Variants in HSF2BP observed in about 807,000 individuals in gnomAD.
HSF2BP encodes the protein heat shock transcription factor 2 binding protein.
A neutral mutation model predicts 35.0 loss-of-function variants in HSF2BP; 35 were observed. The ratio of observed to expected loss-of-function variants is 1.00; its 90% CI spans 0.76 to 1.32. The LOEUF (loss-of-function observed/expected upper bound fraction) is 1.32, where lower values mean the gene tolerates loss of function less well. Ranked by LOEUF, HSF2BP falls within the 40% of genes most tolerant of loss-of-function variation. The pLI is 0.00. For missense variants in HSF2BP, 326 were observed against 321.7 expected (o/e 1.01, Z -0.10); for synonymous variants, 114 against 117.4 (o/e 0.97, Z 0.18).
intron 8 of HSF2BP, among the ~76,000 whole-genome samples, chr21:43,580,922 C>A (rs928296323): frequency 5.9e-5 from 9 of 152,192 alleles, no homozygotes; most frequent in Middle Eastern, 3.2e-3. Context: ...AGTTACTAAA[C>A]CCTCTGGCCT....
intron 8 of HSF2BP, among the ~76,000 whole-genome samples, chr21:43,584,929 T>A (rs962766895): frequency 3.9e-5 from 6 of 152,122 alleles, no homozygotes; most frequent in Non-Finnish European, 5.9e-5. Context: ...GAAGTTAAGT[T>A]CTCTGTTAAC....
At position 43,595,726 on chromosome 21, in the gene HSF2BP, ATTT is replaced by A. The variant is rs770855952; in HGVS notation, c.693-3401_693-3399del. ...AGCATCTTTAAAAATTAAGAGGCTA[ATTT>A]TTTTTTTTTTTTTTTTTTTTTTTTT... On this transcript the variant is annotated intron_variant, in intron 7 of 8. Transcript: ENST00000291560. Among the ~76,000 whole-genome samples the A allele has an allele frequency of 1.1e-3, 66 of 58,428 alleles. 1 individual carries two copies. Among genetic ancestry groups the A allele is most frequent in the Admixed American group, 4.3e-3 (13 of 2,996 alleles). The allele number at this position is 58,428 out of a possible 152,430, so 38.3% of individuals were successfully genotyped here.
intron 7 of HSF2BP, 21 bp from the exon 8 acceptor site, chr21:43,592,349 G>A (rs995555384): frequency 1.5e-5 from 23 of 1,497,690 alleles, no homozygotes; most frequent in Non-Finnish European, 2.1e-5. Flanking sequence ...AAAGAAAAAG[G>A]TGTTGGAATG....
At chr21:43,613,615 C>A (rs2082235435) in intron 7 of HSF2BP, among the ~76,000 whole-genome samples, 1 of 152,180 alleles carries the variant, frequency 6.6e-6, no homozygotes, top group Non-Finnish European at 1.5e-5. Flanking sequence ...CTGGGACTCA[C>A]TGATTGCTCT....
chr21:43,647,429 C>T (rs1474478910), intron 3 of HSF2BP, among the ~76,000 whole-genome samples: 1 of 152,034 alleles, frequency 6.6e-6, no homozygotes, highest in Non-Finnish European at 1.5e-5. Context: ...TGGGGTTTCA[C>T]TATGTTGGCC....
chr21:43,601,366 T>G (rs1049678507), intron 7 of HSF2BP, among the ~76,000 whole-genome samples: 1 of 152,194 alleles, frequency 6.6e-6, no homozygotes, highest in Non-Finnish European at 1.5e-5. Flanking sequence ...ATAATTTGCT[T>G]TCCCCTGATT....
intron 8 of HSF2BP, among the ~76,000 whole-genome samples, chr21:43,578,070 C>T (rs1286791279): frequency 6.6e-6 from 1 of 152,220 alleles, no homozygotes. Flanking sequence ...CACCTTGTTG[C>T]TCACACAAAG....
intron 7 of HSF2BP, among the ~76,000 whole-genome samples, chr21:43,598,274 G>A (rs978594077): frequency 3.3e-5 from 5 of 151,558 alleles, no homozygotes; most frequent in African/African-American, 1.2e-4. Flanking sequence ...GTGCAATCTC[G>A]GCTCCCTGCA....
intron 8 of HSF2BP, among the ~76,000 whole-genome samples, chr21:43,578,462 G>A (rs2081674374): frequency 6.6e-6 from 1 of 152,100 alleles, no homozygotes; most frequent in Admixed American, 6.5e-5. Context: ...TAAAGTTGGG[G>A]TTCTGTTAGA....
At chr21:43,633,558 G>A (rs370922518) in intron 4 of HSF2BP, 137 bp from the exon 5 acceptor site, 2 of 797,564 alleles carry the variant, frequency 2.5e-6, no homozygotes, top group East Asian at 5.7e-5. Context: ...ATGAAAGCTA[G>A]TCCTAAGAGA....
intron 7 of HSF2BP, among the ~76,000 whole-genome samples, chr21:43,606,959 CAT>C (rs2082142346): frequency 6.6e-6 from 1 of 152,134 alleles, no homozygotes; most frequent in South Asian, 2.1e-4. Context: ...TGGAATAAGA[CAT>C]AGAGATATCC....
chr21:43,635,934 A>G (rs947501438), intron 4 of HSF2BP, among the ~76,000 whole-genome samples: 2 of 151,272 alleles, frequency 1.3e-5, no homozygotes, highest in African/African-American at 4.9e-5. Context: ...ATCTCAAAAA[A>G]AAAAAAAAAA....
At chr21:43,633,152 A>T (rs1191328650) in intron 5 of HSF2BP, 120 bp downstream of exon 5, 3 of 1,043,998 alleles carry the variant, frequency 2.9e-6, no homozygotes, top group African/African-American at 3.2e-5. Flanking sequence ...CTAGCTGATG[A>T]GTGAACAAAA....
chr21:43,597,393 G>A lies in HSF2BP; in HGVS notation c.693-5065C>T, dbSNP rs1340369469. Among the ~76,000 whole-genome samples, 1 of 152,178 alleles carries A rather than the reference G, an allele frequency of 6.6e-6. No individual in the cohort carries two copies. Among genetic ancestry groups the A allele is most frequent in the Non-Finnish European group, 1.5e-5 (1 of 68,042 alleles). On this transcript the variant is annotated intron_variant, in intron 7 of 8. Transcript: ENST00000291560. The surrounding 1 kb of genome is among the most constrained non-coding windows in gnomAD (Gnocchi z 4.3). Reference sequence around the variant, plus strand: ...AGCACAGCCGGCTAGGATGAGGAGAGTAAGCCACTTGCTTTGGGTGTAAAT... The same window carrying A: ...AGCACAGCCGGCTAGGATGAGGAGAATAAGCCACTTGCTTTGGGTGTAAAT...
At chr21:43,632,865 G>T (rs1266697374) in intron 5 of HSF2BP, among the ~76,000 whole-genome samples, 3 of 140,074 alleles carry the variant, frequency 2.1e-5, no homozygotes, top group Non-Finnish European at 4.6e-5. Flanking sequence ...TCAAGGTTCT[G>T]CATCTATATG....
chr21:43,587,503 T>C (rs1464757119), intron 8 of HSF2BP, among the ~76,000 whole-genome samples: 4 of 151,718 alleles, frequency 2.6e-5, no homozygotes, highest in Non-Finnish European at 5.9e-5. Context: ...GCATCTCTAT[T>C]AAAAATACAA....
the HSF2BP span, among the ~76,000 whole-genome samples, chr21:43,495,555 G>A: frequency 5.4e-5 from 6 of 110,454 alleles, 2 homozygotes; most frequent in African/African-American, 1.5e-4. Flanking sequence ...CAAAGTCATC[G>A]GCTCATATCA....
chr21:43,583,614 C>G (rs1264362033), intron 8 of HSF2BP, among the ~76,000 whole-genome samples: 5 of 140,810 alleles, frequency 3.6e-5, no homozygotes, highest in Admixed American at 7.1e-5. Flanking sequence ...GATGAAGGGA[C>G]TGCTGAGGGA....
rs1045983322 is a variant in HSF2BP, at chr21:43,632,618, T to C, written c.441+654A>G. Among the ~76,000 whole-genome samples the C allele has an allele frequency of 2.0e-5, 3 of 152,220 alleles. No individual in the cohort carries two copies. The East Asian group carries it at 5.8e-4, about 29-fold the overall frequency. ...AGCCTCCCCTTCCACCTCCTCCACC[T>C]CTACCACCCTTTAGACAGCAATGCC... On this transcript the variant is annotated intron_variant, in intron 5 of 8. Coordinates refer to ENST00000291560, the MANE Select transcript of HSF2BP (RefSeq NM_007031.2).
Sources: allele counts gnomAD v4.1 joint callset (sites outside exome capture counted in the v4.1 genomes callset), GRCh38; gene constraint gnomAD v4.1.1; non-coding constraint Gnocchi (gnomAD v3.1); transcripts MANE v1.5; gene names NCBI Gene and HGNC (gene_info 2026-07-23, HGNC 2026-07-21).